ABCC6: variants seen among roughly 807,000 people sequenced by gnomAD.
ABCC6 encodes ATP-binding cassette sub-family C member 6.
Under a neutral mutation model 169.5 loss-of-function variants are expected in ABCC6, and 126 were observed. That is an observed-to-expected ratio of 0.74 (90% CI 0.64 to 0.86). The LOEUF (loss-of-function observed/expected upper bound fraction) is 0.86. ABCC6 is among the 40% of genes least tolerant of loss of function. ABCC6 has a pLI of 0.00. For synonymous variants in ABCC6, 752 were observed against 814.7 expected (o/e 0.92, Z 1.31); for missense variants, 1,733 against 1,927.2 (o/e 0.90, Z 1.89).
At chr16:16,215,767 C>A (rs2048849722) in intron 4 of ABCC6, among the ~76,000 whole-genome samples, 1 of 151,232 alleles carries the variant, frequency 6.6e-6, no homozygotes, top group Non-Finnish European at 1.5e-5. Flanking sequence ...AGCCACCGCG[C>A]CCGGCCTGAT....
chr16:16,191,373 C>G (rs1223773161), intron 11 of ABCC6, among the ~76,000 whole-genome samples: 1 of 152,008 alleles, frequency 6.6e-6, no homozygotes, highest in Non-Finnish European at 1.5e-5. Context: ...GCCTCGGCCT[C>G]CCAAAGTGCT....
Position 16,159,546 on chromosome 16 carries a change from G to A in ABCC6, c.3671C>T (p.Thr1224Ile). 5.6e-6 allele frequency: 9 copies of A among 1,614,122 alleles called. No homozygotes were observed. The highest frequency in any genetic ancestry group is 1.7e-5 in the Admixed American group (1 of 60,008). ...QTLQWVVRNW[T>I]DLENSIVSVE... The stretch of plus-strand genomic sequence containing the variant: ...TGACACGATGCTGTTCTCTAGGTCT[G>A]TCCAGTTGCGAACAACCCACTGCAG... Residue 1224 changes from threonine to isoleucine, a missense_variant, in exon 26 of 31, where the codon ACA becomes ATA. By Grantham distance (89) the Thr-to-Ile change is moderately conservative. Around this residue, in one of 5 missense-constraint regions of ABCC6, gnomAD observed 1,601 missense variants for 1,635.5 expected, o/e 0.98. Transcript: ENST00000205557.
chr16:16,205,751 G>A (rs140104994), intron 7 of ABCC6, among the ~76,000 whole-genome samples: 5,383 of 152,232 alleles, frequency 0.035, 114 homozygotes, highest in African/African-American at 0.046. Flanking sequence ...AACCCCAGGT[G>A]GGTAGACTTT....
At chr16:16,160,245 G>A (rs2046672773) in intron 25 of ABCC6, among the ~76,000 whole-genome samples, 1 of 152,152 alleles carries the variant, frequency 6.6e-6, no homozygotes, top group Non-Finnish European at 1.5e-5. Context: ...ACATGCTCCA[G>A]CCTCTTACTT....
intron 17 of ABCC6, among the ~76,000 whole-genome samples, chr16:16,180,105 T>A (rs899045448): frequency 6.6e-6 from 1 of 152,148 alleles, no homozygotes; most frequent in Non-Finnish European, 1.5e-5. Flanking sequence ...CTGCCACTGA[T>A]CTGACAGGAG....
intron 21 of ABCC6, among the ~76,000 whole-genome samples, chr16:16,172,004 G>A (rs1353064251): frequency 8.0e-4 from 110 of 137,548 alleles, no homozygotes; most frequent in African/African-American, 1.1e-3. Flanking sequence ...ATGGATAAAT[G>A]GGAGGGTGGG....
At chr16:16,173,156 G>T in intron 21 of ABCC6, 128 bp downstream of exon 21, 1 of 1,243,328 alleles carries the variant, frequency 8.0e-7, no homozygotes, top group Non-Finnish European at 1.1e-6. Context: ...CATCTAGAAT[G>T]CTACTGGCAC....
intron 29 of ABCC6, among the ~76,000 whole-genome samples, chr16:16,153,947 T>G (rs1055935588): frequency 7.9e-5 from 12 of 151,940 alleles, no homozygotes; most frequent in African/African-American, 2.9e-4. Flanking sequence ...ATAGTAAATT[T>G]TATGTGTATC....
At chr16:16,169,528 C>G (rs563605423) in intron 22 of ABCC6, 118 bp downstream of exon 22, 3 of 1,207,172 alleles carry the variant, frequency 2.5e-6, no homozygotes, top group Admixed American at 2.0e-5. Flanking sequence ...GGACCCCAGA[C>G]GTTTTGCACA....
chr16:16,203,170 G>A (rs2048296708), intron 8 of ABCC6, among the ~76,000 whole-genome samples: 1 of 152,178 alleles, frequency 6.6e-6, no homozygotes, highest in African/African-American at 2.4e-5. Flanking sequence ...CACTTTTGGG[G>A]CATTTTACAG....
intron 29 of ABCC6, among the ~76,000 whole-genome samples, chr16:16,151,649 G>A (rs577982438): frequency 6.0e-4 from 91 of 152,268 alleles, no homozygotes; most frequent in African/African-American, 2.1e-3. Flanking sequence ...TCTATTTCTA[G>A]TTTCCACCTT....
In ABCC6 at chr16:16,173,354, G is replaced by C. The variant is rs375890241; in HGVS notation, c.2717C>G (p.Thr906Arg). The C allele has an allele frequency of 4.3e-6, 7 of 1,613,974 alleles. No individual in the cohort carries two copies. Among genetic ancestry groups the C allele is most frequent in the Admixed American group, 1.7e-5 (1 of 59,980 alleles). ...GTCAGGGTCATCCAGAGGAACCTCT[G>C]TCTGGGCTTCTGAAGTGGTACGGTC... Reference protein sequence around the residue: ...EKDRTTSEAQTEVPLDDPDRA... With the variant: ...EKDRTTSEAQREVPLDDPDRA... The change falls in exon 21 of 31, where the codon ACA (threonine) becomes AGA (arginine). Residue 906 changes from threonine (T) to arginine (R), a missense_variant. By Grantham distance (71) the Thr-to-Arg change is moderately conservative. Coordinates refer to ENST00000205557, the MANE Select transcript of ABCC6 (RefSeq NM_001171.6).
intron 13 of ABCC6, among the ~76,000 whole-genome samples, 199 bp downstream of exon 13, chr16:16,188,632 A>T (rs528801568): frequency 6.6e-6 from 1 of 151,972 alleles, no homozygotes; most frequent in African/African-American, 2.4e-5. Context: ...CCAAAGGCTG[A>T]CCCCTTCCAG....
rs781078594 is a variant in ABCC6, at chr16:16,150,007, C to G, written c.*126G>C. The G allele has an allele frequency of 3.5e-6, 5 of 1,430,572 alleles. No individual in the cohort carries two copies. Among genetic ancestry groups the G allele is most frequent in the Non-Finnish European group, 4.8e-6 (5 of 1,039,934 alleles). 88.6% of individuals were successfully genotyped at this position (1,430,572 alleles called of 1,614,324 possible). A position where few individuals can be genotyped will look rare whatever the true frequency, so the allele number is the denominator to read the frequency against. ...GGCCACTTTCTCTGCCATTTTCCTC[C>G]CAGAGAGCAAACACAGGTCTAGACT... On this transcript the variant is annotated 3_prime_UTR_variant, in exon 31 of 31. Coordinates refer to ENST00000205557, the MANE Select transcript of ABCC6 (RefSeq NM_001171.6).
chr16:16,182,403 A>G lies in ABCC6; in HGVS notation c.2247+9T>C. ...TCTCCCTGTCCCAAAAAGACCCCCAAACTCTCACCTGCTCCCCAATTGAAG... is the reference window on the plus strand; with the variant it reads ...TCTCCCTGTCCCAAAAAGACCCCCAGACTCTCACCTGCTCCCCAATTGAAG... On this transcript the variant is annotated intron_variant, in intron 17 of 30. Transcript: ENST00000205557. The G allele has an allele frequency of 1.2e-6, 2 of 1,613,394 alleles. No homozygotes were observed. The highest frequency in any genetic ancestry group is 1.7e-6 in the Non-Finnish European group (2 of 1,179,984).
At chr16:16,153,808 G>A (rs1290664561) in intron 29 of ABCC6, among the ~76,000 whole-genome samples, 1 of 151,566 alleles carries the variant, frequency 6.6e-6, no homozygotes, top group Non-Finnish European at 1.5e-5. Flanking sequence ...GGAGGCTGAG[G>A]TGGGAGGAAT....
chr16:16,190,267 A>G lies in ABCC6; in HGVS notation c.1532T>C (p.Leu511Pro). The G allele has an allele frequency of 6.2e-7, 1 of 1,614,182 alleles. No homozygotes were observed. The highest frequency in any genetic ancestry group is 8.5e-7 in the Non-Finnish European group (1 of 1,180,034). ...IKFHGWEGAFLDRVLGIRGQE... is the reference protein window; with the variant it reads ...IKFHGWEGAFPDRVLGIRGQE... ...GCCTCGGATGCCCAGGACTCTGTCC[A>G]GAAAGGCTCCCTCCCAGCCATGGAA... The change falls in exon 12 of 31, where the codon CTG (leucine) becomes CCG (proline). Residue 511 changes from leucine to proline, a missense_variant. Physicochemically the swap from Leu to Pro is moderately conservative, Grantham distance 98. Transcript: ENST00000205557.
intron 20 of ABCC6, 52 bp from the exon 21 acceptor site, chr16:16,173,456 G>C (rs1169621370): frequency 1.2e-6 from 2 of 1,613,136 alleles, no homozygotes; most frequent in Non-Finnish European, 1.7e-6. Context: ...CAATGGTGGG[G>C]TGTATGTGCC....
intron 27 of ABCC6, among the ~76,000 whole-genome samples, chr16:16,157,352 A>C (rs1051485402): frequency 9.2e-5 from 14 of 152,128 alleles, no homozygotes; most frequent in African/African-American, 3.4e-4. Context: ...CATTTGTGCA[A>C]ACTGGAAAAT....
Sources: allele counts gnomAD v4.1 joint callset (sites outside exome capture counted in the v4.1 genomes callset), GRCh38; gene constraint gnomAD v4.1.1; regional missense constraint gnomAD v4.1.1; transcripts MANE v1.5; gene names NCBI Gene and HGNC (gene_info 2026-07-23, HGNC 2026-07-21).